Variants in ERICH5 observed in about 807,000 individuals in gnomAD.
ERICH5 encodes glutamate rich 5, also known as glutamate-rich protein 5.
ERICH5 carries 24 observed loss-of-function variants against 28.0 expected under a neutral mutation model. The observed-to-expected ratio is 0.86, with a 90% CI of 0.62 to 1.21. The LOEUF is 1.21. Ranked by LOEUF, ERICH5 falls within the 50% of genes most tolerant of loss-of-function variation. The pLI is 0.00. For synonymous variants in ERICH5, 163 were observed against 157.6 expected (o/e 1.03, Z -0.25); for missense variants, 421 against 441.2 (o/e 0.95, Z 0.41).
Position 98,077,341 on chromosome 8 carries a change from C to T in ERICH5, c.59-11735C>T, listed in dbSNP as rs911581418. Among the ~76,000 whole-genome samples, 4 of 152,126 alleles carry T rather than the reference C, an allele frequency of 2.6e-5. 1 individual carries two copies. The South Asian group carries it at 8.3e-4, about 31-fold the overall frequency. Reference sequence around the variant, plus strand: ...ATCATCTTCCTTCCTGTCTCCTTTCCTTGTTCAGTGAGATGGCTTTGATTT... The same window carrying T: ...ATCATCTTCCTTCCTGTCTCCTTTCTTTGTTCAGTGAGATGGCTTTGATTT... On this transcript the variant is annotated intron_variant, in intron 1 of 2. Transcript: ENST00000318528.
At chr8:98,068,250 G>A (rs528410139) in intron 1 of ERICH5, among the ~76,000 whole-genome samples, 20 of 152,268 alleles carry the variant, frequency 1.3e-4, no homozygotes, top group African/African-American at 4.1e-4. Flanking sequence ...GGGGACATTT[G>A]CCCTGACCCA....
chr8:98,091,993 C>CCCTTCCTTCCTTCCTTCCTT (rs377455843), intron 2 of ERICH5, among the ~76,000 whole-genome samples: 8,863 of 54,988 alleles, frequency 0.16, 1,764 homozygotes, highest in South Asian at 0.22. Context: ...TCTCTCTCTC[C>CCCTTCCTTCCTTCCTTCCTT]CCTTCCTTCC....
At chr8:98,088,299 T>A (rs534421908) in intron 1 of ERICH5, among the ~76,000 whole-genome samples, 7 of 152,204 alleles carry the variant, frequency 4.6e-5, no homozygotes, top group Admixed American at 1.3e-4. Flanking sequence ...TTTTAAACTA[T>A]CACGCCTCAT....
rs1222239785 is a variant in ERICH5, at chr8:98,093,271, G to C, written c.1063G>C (p.Glu355Gln). The change falls in exon 3 of 3, where the codon GAA (glutamate) becomes CAA (glutamine). Residue 355 changes from glutamate to glutamine, a missense_variant. Glu to Gln is a conservative substitution (Grantham distance 29). Transcript: ENST00000318528. Reference sequence around the variant, plus strand: ...AGACATGGAGAATGAGAAAGTGAGTGAAGGGGCTGAAACCAAAGAAGAAGA... The same window carrying C: ...AGACATGGAGAATGAGAAAGTGAGTCAAGGGGCTGAAACCAAAGAAGAAGA... ...ETDMENEKVS[E>Q]GAETKEEETG... The C allele has an allele frequency of 1.2e-6, 2 of 1,613,932 alleles. No individual in the cohort carries two copies. The highest frequency in any genetic ancestry group is 1.7e-6 in the Non-Finnish European group (2 of 1,179,958).
chr8:98,073,973 A>G (rs191161120), intron 1 of ERICH5, among the ~76,000 whole-genome samples: 13 of 148,218 alleles, frequency 8.8e-5, no homozygotes, highest in Admixed American at 2.0e-4. Context: ...GCTGGAATGC[A>G]GTGGCGCTAT....
In ERICH5 at chr8:98,074,010, C is replaced by T. The variant is rs569876590; in HGVS notation, c.58+9283C>T. Among the ~76,000 whole-genome samples, 12 of 151,600 alleles carry T rather than the reference C, an allele frequency of 7.9e-5. No homozygotes were observed. The South Asian group carries it at 2.5e-3, about 32-fold the overall frequency. Reference sequence around the variant, plus strand: ...ACAACTCACTGAAGCCTCGACCTCCCACCTTAGCCCAGCAGCTGGGACTAT... The same window carrying T: ...ACAACTCACTGAAGCCTCGACCTCCTACCTTAGCCCAGCAGCTGGGACTAT... On this transcript the variant is annotated intron_variant, in intron 1 of 2. Transcript: ENST00000318528.
At chr8:98,085,424 A>T (rs935080636) in intron 1 of ERICH5, among the ~76,000 whole-genome samples, 1 of 151,660 alleles carries the variant, frequency 6.6e-6, no homozygotes, top group African/African-American at 2.4e-5. Context: ...CGGCCTCCCA[A>T]AGTGCTGGGA....
chr8:98,069,455 A>G (rs966310868), intron 1 of ERICH5, among the ~76,000 whole-genome samples: 3 of 151,494 alleles, frequency 2.0e-5, no homozygotes, highest in African/African-American at 7.3e-5. Flanking sequence ...ATCTTTATTT[A>G]TAAAATGTAG....
Position 98,081,303 on chromosome 8 carries a change from G to A in ERICH5, c.59-7773G>A, listed in dbSNP as rs181963232. 1.3e-4 allele frequency among the ~76,000 whole-genome samples: 19 copies of A among 151,688 alleles called. No homozygotes were observed. In the East Asian group the frequency reaches 3.5e-3, roughly 28 times the overall value. ...AAATTTTTTGGTAGAGACAGGTTTC[G>A]CCATGTTGTCCAGGCAGGTCTCGAA... On this transcript the variant is annotated intron_variant, in intron 1 of 2. Transcript: ENST00000318528.
At chr8:98,091,916 T>TCTTTCTTTCTTTCTTC (rs1815408216) in intron 2 of ERICH5, among the ~76,000 whole-genome samples, 3 of 90,482 alleles carry the variant, frequency 3.3e-5, no homozygotes, top group African/African-American at 1.4e-4. Flanking sequence ...TTTCTTTCTT[T>TCTTTCTTTCTTTCTTC]CTTCCTTTCT....
intron 2 of ERICH5, 71 bp downstream of exon 2, chr8:98,090,100 G>T: frequency 8.7e-7 from 1 of 1,155,960 alleles, no homozygotes; most frequent in Non-Finnish European, 1.2e-6. Context: ...GGAGTGGGAT[G>T]GGGTGACTGA....
At chr8:98,079,166 C>CTTTTTTTT (rs528062932) in intron 1 of ERICH5, among the ~76,000 whole-genome samples, 4 of 75,576 alleles carry the variant, frequency 5.3e-5, no homozygotes, top group African/African-American at 1.4e-4. Flanking sequence ...TTTTTTTTTC[C>CTTTTTTTT]TTTTTTTTTT....
Position 98,089,704 on chromosome 8 carries a change from A to T in ERICH5, c.687A>T (p.Glu229Asp). 1 of 1,614,168 alleles carries T rather than the reference A, an allele frequency of 6.2e-7. No individual in the cohort carries two copies. The highest frequency in any genetic ancestry group is 8.5e-7 in the Non-Finnish European group (1 of 1,180,034). Residue 229 changes from glutamate (E) to aspartate (D), a missense_variant, in exon 2 of 3, where the codon GAA becomes GAT. Coordinates refer to ENST00000318528, the MANE Select transcript of ERICH5 (RefSeq NM_173549.3). The part of the protein sequence containing the change: ...ETISKENESP[E>D]ILEGSQFVET... ...TTTCCAAAGAGAATGAATCTCCAGA[A>T]ATATTGGAAGGAAGTCAGTTTGTGG...
At chr8:98,090,137 G>A in intron 2 of ERICH5, 108 bp downstream of exon 2, 2 of 803,634 alleles carry the variant, frequency 2.5e-6, no homozygotes, top group South Asian at 2.1e-5. Context: ...TCACTTTCAG[G>A]TGGTTGAAGT....
In ERICH5 at chr8:98,093,272, A is replaced by C. The variant is rs749644011; in HGVS notation, c.1064A>C (p.Glu355Ala). Residue 355 changes from glutamate to alanine, a missense_variant, in exon 3 of 3, where the codon GAA (glutamate) becomes GCA (alanine). Glu to Ala is a moderately radical substitution (Grantham distance 107, BLOSUM62 -1). Transcript: ENST00000318528. ...ETDMENEKVS[E>A]GAETKEEETG... ...GACATGGAGAATGAGAAAGTGAGTG[A>C]AGGGGCTGAAACCAAAGAAGAAGAA... 6.2e-7 allele frequency: 1 copy of C among 1,614,070 alleles called. No individual in the cohort carries two copies. Among genetic ancestry groups the C allele is most frequent in the Non-Finnish European group, 8.5e-7 (1 of 1,179,972 alleles).
chr8:98,090,070 C>G, intron 2 of ERICH5, 41 bp downstream of exon 2: 1 of 1,414,532 alleles, frequency 7.1e-7, no homozygotes, highest in Non-Finnish European at 9.8e-7. Context: ...TAGATGTGCT[C>G]CATAGGAGAC....
At chr8:98,067,699 T>C (rs1814844311) in intron 1 of ERICH5, among the ~76,000 whole-genome samples, 1 of 151,594 alleles carries the variant, frequency 6.6e-6, no homozygotes, top group Non-Finnish European at 1.5e-5. Context: ...CACTGCAACC[T>C]CGGCCTCCTG....
At chr8:98,080,187 C>T (rs1815151397) in intron 1 of ERICH5, among the ~76,000 whole-genome samples, 1 of 152,200 alleles carries the variant, frequency 6.6e-6, no homozygotes, top group Non-Finnish European at 1.5e-5. Context: ...TGTCAGATAC[C>T]ATGCTGGGCA....
intron 1 of ERICH5, among the ~76,000 whole-genome samples, chr8:98,065,627 G>A (rs918212908): frequency 3.9e-5 from 6 of 152,154 alleles, no homozygotes; most frequent in Non-Finnish European, 8.8e-5. Context: ...AAGTATAAAC[G>A]CAGTTACATG....
Sources: allele counts gnomAD v4.1 joint callset (sites outside exome capture counted in the v4.1 genomes callset), GRCh38; gene constraint gnomAD v4.1.1; transcripts MANE v1.5; gene names NCBI Gene and HGNC (gene_info 2026-07-23, HGNC 2026-07-21).